The following ARHGAP10 variants were observed in gnomAD, a reference collection of about 807,000 sequenced individuals.
ARHGAP10 encodes the protein Rho GTPase activating protein 10.
In ARHGAP10, 87 loss-of-function variants were observed where a neutral mutation model predicts 108.6. The ratio of observed to expected loss-of-function variants is 0.80; its 90% CI spans 0.67 to 0.96. The LOEUF (loss-of-function observed/expected upper bound fraction) is 0.96. Ranked by LOEUF, ARHGAP10 falls within the 40% of genes least tolerant of loss-of-function variation. The pLI is 0.00. For missense variants in ARHGAP10, 939 were observed against 954.5 expected (o/e 0.98, Z 0.21); for synonymous variants, 347 against 341.1 (o/e 1.02, Z -0.19).
chr4:148,040,325 C>A lies in ARHGAP10; in HGVS notation c.1868-6567C>A, dbSNP rs759035170. On this transcript the variant is annotated intron_variant, in intron 19 of 22. Transcript: ENST00000336498. ...GGTATATTATTATAGATACTAGGAA[C>A]CCTACAGGTTTTTTTGTTTTTTGTT... 7.5e-4 allele frequency among the ~76,000 whole-genome samples: 114 copies of A among 152,158 alleles called. 1 individual carries two copies. The highest frequency in any genetic ancestry group is 2.6e-3 in the African/African-American group (108 of 41,542).
chr4:147,960,040 T>G (rs1334932134), intron 16 of ARHGAP10, among the ~76,000 whole-genome samples: 3 of 152,204 alleles, frequency 2.0e-5, no homozygotes, highest in Non-Finnish European at 4.4e-5. Context: ...TCTACTATTT[T>G]GCAGAGTCTC....
intron 13 of ARHGAP10, among the ~76,000 whole-genome samples, chr4:147,932,066 G>T (rs2126950158): frequency 6.6e-6 from 1 of 152,198 alleles, no homozygotes. Flanking sequence ...TGAAAAAAAA[G>T]TTCAACATCA....
rs1736822871 is a variant in ARHGAP10 at position 147,913,076 on chromosome 4, G to A, written c.1165G>A (p.Ala389Thr). 6.2e-7 allele frequency: 1 copy of A among 1,612,624 alleles called. No individual in the cohort carries two copies. Among genetic ancestry groups the A allele is most frequent in the African/African-American group, 1.3e-5 (1 of 74,886 alleles). The change falls in exon 13 of 23, where the codon GCA (alanine) becomes ACA (threonine). Residue 389 changes from alanine (A) to threonine (T), a missense_variant and splice_region_variant. Transcript: ENST00000336498. Reference protein sequence around the residue: ...TAIIPRPEGNAQLDKMGFTII... With the variant: ...TAIIPRPEGNTQLDKMGFTII... ...ATGTTTTAAACTGTTTCTTGTAGAT[G>A]CACAGTTGGATAAGATGGGGTTCAC...
intron 10 of ARHGAP10, among the ~76,000 whole-genome samples, chr4:147,904,670 T>C (rs2126906274): frequency 6.6e-6 from 1 of 152,328 alleles, no homozygotes; most frequent in East Asian, 1.9e-4. Flanking sequence ...TTTGCTATTG[T>C]GAATAGTGCC....
At chr4:147,823,323 CAG>C (rs1359096340) in intron 3 of ARHGAP10, among the ~76,000 whole-genome samples, 1 of 152,136 alleles carries the variant, frequency 6.6e-6, no homozygotes, top group Non-Finnish European at 1.5e-5. Context: ...TATGTAGAAA[CAG>C]AGGACAGCTG....
intron 13 of ARHGAP10, among the ~76,000 whole-genome samples, chr4:147,918,922 T>C (rs1737106857): frequency 6.6e-6 from 1 of 152,196 alleles, no homozygotes; most frequent in African/African-American, 2.4e-5. Context: ...TATTGGGACC[T>C]TACTCTCTCA....
chr4:148,060,821 G>C (rs746949266), intron 20 of ARHGAP10, among the ~76,000 whole-genome samples: 7 of 152,206 alleles, frequency 4.6e-5, no homozygotes, highest in Admixed American at 2.6e-4. Context: ...TTGGTGAACC[G>C]GTTAGTGCTA....
intron 1 of ARHGAP10, among the ~76,000 whole-genome samples, chr4:147,790,380 A>G (rs1332643377): frequency 1.3e-5 from 2 of 152,232 alleles, no homozygotes; most frequent in African/African-American, 4.8e-5. Context: ...GCAAACATTC[A>G]GTTCGTAACA....
At chr4:147,775,758 G>T (rs1166085684) in intron 1 of ARHGAP10, among the ~76,000 whole-genome samples, 3 of 152,088 alleles carry the variant, frequency 2.0e-5, no homozygotes, top group Admixed American at 6.6e-5. Context: ...AAATCCTTTT[G>T]CACAGAATTA....
intron 18 of ARHGAP10, among the ~76,000 whole-genome samples, chr4:148,009,644 T>G (rs1741095773): frequency 6.6e-6 from 1 of 152,214 alleles, no homozygotes. Context: ...TCTAGTGAAC[T>G]TGTAGTAGTT....
chr4:147,901,829 G>A (rs1736260537), intron 10 of ARHGAP10, among the ~76,000 whole-genome samples: 1 of 152,112 alleles, frequency 6.6e-6, no homozygotes, highest in South Asian at 2.1e-4. Context: ...TGCTCTATGT[G>A]TAACTGGTGA....
rs529795551 is a variant in ARHGAP10 at position 147,802,403 on chromosome 4, A to G, written c.155-20324A>G. On this transcript the variant is annotated intron_variant, in intron 1 of 22. Transcript: ENST00000336498. ...AAACTTGTTTTCTCTAAAGCATAAT[A>G]TAGCTGAGCTATGATCCTAAAGGTA... Among the ~76,000 whole-genome samples, 8 of 152,364 alleles carry G rather than the reference A, an allele frequency of 5.3e-5. No homozygotes were observed. The East Asian group carries it at 1.2e-3, about 22-fold the overall frequency.
At chr4:147,784,751 A>ATAT (rs1299108024) in intron 1 of ARHGAP10, among the ~76,000 whole-genome samples, 1 of 23,656 alleles carries the variant, frequency 4.2e-5, no homozygotes, top group Non-Finnish European at 1.4e-4. Context: ...ATAAATATAT[A>ATAT]TTATAAAATG....
chr4:147,853,251 G>A (rs770078028), intron 4 of ARHGAP10, among the ~76,000 whole-genome samples: 6 of 152,196 alleles, frequency 3.9e-5, no homozygotes, highest in African/African-American at 7.2e-5. Flanking sequence ...ACACAGGCAC[G>A]GGAGAACCTG....
rs536101303 is a variant in ARHGAP10 at position 147,840,494 on chromosome 4, TGTG to T, written c.313-6654_313-6652del. Among the ~76,000 whole-genome samples, 290 of 152,330 alleles carry T rather than the reference TGTG, an allele frequency of 1.9e-3. 4 individuals are homozygous for T. The highest frequency in any genetic ancestry group is 6.6e-4 in the Non-Finnish European group (45 of 68,028). On this transcript the variant is annotated intron_variant, in intron 3 of 22. Transcript: ENST00000336498. ...CCAGTTGGAAATGGCTGTTTTAAAATGTGGTAACCATGCTATTGAGGTAAGCTC... is the reference window on the plus strand; with the variant it reads ...CCAGTTGGAAATGGCTGTTTTAAAATGTAACCATGCTATTGAGGTAAGCTC...
intron 4 of ARHGAP10, among the ~76,000 whole-genome samples, chr4:147,850,278 G>T (rs553937429): frequency 9.8e-5 from 15 of 152,332 alleles, no homozygotes; most frequent in South Asian, 6.2e-4. Context: ...GCCGTGGACG[G>T]GGCCAAGTAA....
At chr4:147,925,668 A>C (rs1231861602) in intron 13 of ARHGAP10, among the ~76,000 whole-genome samples, 4 of 152,196 alleles carry the variant, frequency 2.6e-5, no homozygotes, top group African/African-American at 9.7e-5. Flanking sequence ...CTTCAATCTA[A>C]ATTCAAGACA....
intron 7 of ARHGAP10, 110 bp from the exon 8 acceptor site, chr4:147,874,911 G>A: frequency 8.4e-7 from 1 of 1,185,864 alleles, no homozygotes; most frequent in South Asian, 2.5e-5. Context: ...TTATAAAAAA[G>A]TTATTTAGAG....
At chr4:147,860,099 A>G (rs1388191826) in intron 5 of ARHGAP10, among the ~76,000 whole-genome samples, 1 of 152,230 alleles carries the variant, frequency 6.6e-6, no homozygotes. Flanking sequence ...ATACTGAACA[A>G]AGGCTTAGAA....
Sources: allele counts gnomAD v4.1 joint callset (sites outside exome capture counted in the v4.1 genomes callset), GRCh38; gene constraint gnomAD v4.1.1; transcripts MANE v1.5; gene names NCBI Gene and HGNC (gene_info 2026-07-23, HGNC 2026-07-21).